Variants in PIK3CD observed in about 807,000 individuals in gnomAD.
The protein encoded by PIK3CD is phosphatidylinositol-4,5-bisphosphate 3-kinase catalytic subunit delta.
Under a neutral mutation model 122.9 loss-of-function variants are expected in PIK3CD, and 20 were observed. That is an observed-to-expected ratio of 0.16 (90% CI 0.11 to 0.24). The LOEUF is 0.24. Ranked by LOEUF, PIK3CD falls within the 10% of genes least tolerant of loss-of-function variation. PIK3CD has a pLI of 1.00. For missense variants in PIK3CD, 787 were observed against 1,406.3 expected, an observed-to-expected ratio of 0.56 and a Z score of 7.04; for synonymous variants, 596 against 593.4, an observed-to-expected ratio of 1.00 and a Z score of -0.06.
chr1:9,680,348 A>G (rs1292529201), intron 1 of PIK3CD, among the ~76,000 whole-genome samples: 2 of 151,968 alleles, frequency 1.3e-5, no homozygotes, highest in African/African-American at 4.8e-5. Flanking sequence ...ATGGTGGCTC[A>G]TGTCTGTAAT....
chr1:9,703,594 T>C (rs1646727714), intron 2 of PIK3CD, among the ~76,000 whole-genome samples: 1 of 152,246 alleles, frequency 6.6e-6, no homozygotes, highest in Non-Finnish European at 1.5e-5. Flanking sequence ...TTTGTACAGT[T>C]GGAATCATGA....
chr1:9,713,176 C>G (rs1320293752), intron 3 of PIK3CD, among the ~76,000 whole-genome samples: 1 of 152,016 alleles, frequency 6.6e-6, no homozygotes, highest in Non-Finnish European at 1.5e-5. Flanking sequence ...AAGAGCGAAA[C>G]TCTGTCTCAA....
At chr1:9,707,832 C>T (rs533263816) in intron 2 of PIK3CD, among the ~76,000 whole-genome samples, 13 of 147,230 alleles carry the variant, frequency 8.8e-5, no homozygotes, top group East Asian at 2.0e-4. Flanking sequence ...CTCAGTCTGT[C>T]GCCCAGGCTA....
the PIK3CD span, among the ~76,000 whole-genome samples, chr1:9,629,915 G>T: frequency 6.6e-6 from 1 of 152,212 alleles, no homozygotes; most frequent in Non-Finnish European, 1.5e-5. Flanking sequence ...TCTTTCATGG[G>T]GTGAGGGGGG....
upstream of PIK3CD, chr1:9,651,679 T>C (rs11805716): frequency 0.53 from 79,689 of 151,422 alleles, 22,598 homozygotes; most frequent in East Asian, 0.89. Flanking sequence ...AGTGTGCGGG[T>C]TGGCGGCAGG....
Position 9,726,986 on chromosome 1 carries a change from G to C in PIK3CD, c.3075G>C (p.Glu1025Asp). The C allele has an allele frequency of 6.2e-7, 1 of 1,614,094 alleles. No individual in the cohort carries two copies. The highest frequency in any genetic ancestry group is 8.5e-7 in the Non-Finnish European group (1 of 1,180,004). ...FRVKFNEALR[E>D]SWKTKVNWLA... Reference sequence around the variant, plus strand: ...TGAAGTTTAACGAAGCCCTCCGTGAGAGCTGGAAAACCAAAGTGAACTGGC... The same window carrying C: ...TGAAGTTTAACGAAGCCCTCCGTGACAGCTGGAAAACCAAAGTGAACTGGC... Residue 1025 changes from glutamate (E) to aspartate (D), a missense_variant, in exon 24 of 24, where the codon GAG becomes GAC. Around this residue, in one of 6 missense-constraint regions of PIK3CD, gnomAD observed 60 missense variants for 129.5 expected, o/e 0.46. Coordinates refer to ENST00000377346, the MANE Select transcript of PIK3CD (RefSeq NM_005026.5).
chr1:9,638,549 G>A, the PIK3CD span, among the ~76,000 whole-genome samples: 4 of 151,668 alleles, frequency 2.6e-5, no homozygotes, highest in East Asian at 2.0e-4. Flanking sequence ...TGGCTAACAC[G>A]GTGAAACCCC....
At chr1:9,648,167 T>C (rs1644624768), upstream of PIK3CD, among the ~76,000 whole-genome samples, 1 of 152,184 alleles carries the variant, frequency 6.6e-6, no homozygotes. Context: ...GCCTGCTGCT[T>C]CTTAATTGCC....
intron 1 of PIK3CD, among the ~76,000 whole-genome samples, chr1:9,675,456 G>A (rs1484002185): frequency 6.6e-6 from 1 of 151,994 alleles, no homozygotes; most frequent in Non-Finnish European, 1.5e-5. Context: ...TTTACAGATG[G>A]GGAAACTGAG....
rs536777974 is a variant in PIK3CD at position 9,709,594 on chromosome 1, A to G, written c.-32-830A>G. ...GTGGTGTGCACCTGTAGGCCCAGCT[A>G]CTTGGGAGGGTGAGATGGGAACATC... On this transcript the variant is annotated intron_variant, in intron 2 of 23. Coordinates refer to ENST00000377346, the MANE Select transcript of PIK3CD (RefSeq NM_005026.5). Among the ~76,000 whole-genome samples, 7 of 152,202 alleles carry G rather than the reference A, an allele frequency of 4.6e-5. No individual in the cohort carries two copies. The East Asian group carries it at 1.2e-3, about 25-fold the overall frequency.
chr1:9,659,169 G>A (rs1212385510), intron 1 of PIK3CD, among the ~76,000 whole-genome samples: 1 of 152,068 alleles, frequency 6.6e-6, no homozygotes, highest in Non-Finnish European at 1.5e-5. Context: ...GTGAGGGTGG[G>A]GTAGGGGGTG....
intron 23 of PIK3CD, 81 bp from the exon 24 acceptor site, chr1:9,726,818 ATTCAGTGACT>A (rs1265212132): frequency 1.3e-6 from 2 of 1,515,946 alleles, no homozygotes; most frequent in African/African-American, 2.7e-5. Context: ...TAACCATTTC[ATTCAGTGACT>A]CTGAAGTCCC....
At chr1:9,629,957 A>C in the PIK3CD span, among the ~76,000 whole-genome samples, 1 of 152,166 alleles carries the variant, frequency 6.6e-6, no homozygotes, top group Non-Finnish European at 1.5e-5. Context: ...CTGCCTGGGA[A>C]GGAAGCCCGG....
chr1:9,659,321 TAAA>T (rs767322093), intron 1 of PIK3CD, among the ~76,000 whole-genome samples: 1 of 152,278 alleles, frequency 6.6e-6, no homozygotes, highest in South Asian at 2.1e-4. Context: ...GCACTTAAAA[TAAA>T]AAATAATTTA....
chr1:9,693,328 G>A (rs747839420), intron 2 of PIK3CD, among the ~76,000 whole-genome samples: 6 of 152,146 alleles, frequency 3.9e-5, no homozygotes, highest in East Asian at 3.9e-4. Flanking sequence ...GGGTTCAAGC[G>A]ATTCTTCTGC....
Position 9,723,830 on chromosome 1 carries a change from C to G in PIK3CD, c.2595-139C>G, listed in dbSNP as rs1187354517. On this transcript the variant is annotated intron_variant, in intron 20 of 23. Transcript: ENST00000377346. This position sits in a 1 kb window ranked among gnomAD's most constrained non-coding sequence, Gnocchi z 4.9. ...CTGGAATAGCGTCTGCAAGCGATGTCCAGCATTGTGTCCTCCATGTTCTGT... is the reference window on the plus strand; with the variant it reads ...CTGGAATAGCGTCTGCAAGCGATGTGCAGCATTGTGTCCTCCATGTTCTGT... 1.0e-5 allele frequency: 8 copies of G among 797,214 alleles called. No homozygotes were observed. Among genetic ancestry groups the G allele is most frequent in the Admixed American group, 2.0e-5 (1 of 50,110 alleles). The allele number at this position is 797,214 out of a possible 1,614,324, so 49.4% of individuals were successfully genotyped here. A position where few individuals can be genotyped will look rare whatever the true frequency, so the allele number is the denominator to read the frequency against.
the PIK3CD span, among the ~76,000 whole-genome samples, chr1:9,640,031 C>T: frequency 1.3e-5 from 2 of 151,870 alleles, no homozygotes; most frequent in African/African-American, 2.4e-5. Flanking sequence ...TGGGAGCCAC[C>T]GTGCCCGACC....
chr1:9,665,456 A>T lies in PIK3CD; in HGVS notation c.-138+13654A>T, dbSNP rs142129226. ...TTTGGTAGAGATGGGGAGCGCTCAC[A>T]AGCTCTTGCCGTAGCTCTGGTTTAC... is the stretch of plus-strand genomic sequence containing the variant. On this transcript the variant is annotated intron_variant, in intron 1 of 23. Transcript: ENST00000377346. 3.1e-4 allele frequency among the ~76,000 whole-genome samples: 46 copies of T among 150,184 alleles called. 1 individual carries two copies. In the Middle Eastern group the frequency reaches 0.014, roughly 45 times the overall value.
At chr1:9,709,765 G>A (rs1380369325) in intron 2 of PIK3CD, among the ~76,000 whole-genome samples, 1 of 152,122 alleles carries the variant, frequency 6.6e-6, no homozygotes, top group African/African-American at 2.4e-5. Context: ...CCAGAACTTT[G>A]GGAGGCCGAG....
Sources: gnomAD v4.1 joint callset for allele counts (sites outside exome capture counted in the v4.1 genomes callset) on GRCh38, gnomAD v4.1.1 for gene constraint, gnomAD v4.1.1 regional missense constraint, Gnocchi (gnomAD v3.1) non-coding constraint, MANE v1.5 for transcripts, NCBI Gene and HGNC (gene_info 2026-07-23, HGNC 2026-07-21) for gene names.